PSD2: variants seen among roughly 807,000 people sequenced by gnomAD.
PSD2 encodes the protein PH and SEC7 domain-containing protein 2.
A neutral mutation model predicts 69.8 loss-of-function variants in PSD2; 38 were observed. The ratio of observed to expected loss-of-function variants is 0.54; its 90% CI spans 0.42 to 0.71. PSD2 has a LOEUF of 0.71. PSD2 is among the 30% of genes least tolerant of loss of function. The probability of loss-of-function intolerance (pLI) is 0.00; values close to 1 mark genes in which losing one functional copy is unlikely to be tolerated. For missense variants in PSD2, 943 were observed against 1,014.5 expected (o/e 0.93, Z 0.96); for synonymous variants, 412 against 423.0 (o/e 0.97, Z 0.32).
chr5:139,775,582 AC>A, the PSD2 span: 1 of 152,216 alleles, frequency 6.6e-6, no homozygotes, highest in Non-Finnish European at 1.5e-5. Context: ...GGCCCGCCTG[AC>A]CCCCCAGCCT....
chr5:139,771,377 C>G, the PSD2 span, among the ~76,000 whole-genome samples: 1 of 152,006 alleles, frequency 6.6e-6, no homozygotes, highest in Non-Finnish European at 1.5e-5. Flanking sequence ...GCTTTCTTTT[C>G]TTTTCTTTTC....
intron 4 of PSD2, among the ~76,000 whole-genome samples, chr5:139,815,923 G>A (rs1158780508): frequency 1.3e-5 from 2 of 151,258 alleles, no homozygotes; most frequent in African/African-American, 4.9e-5. Context: ...GATCCTGGGA[G>A]GCGGAGGTTG....
chr5:139,840,032 G>A lies in PSD2; in HGVS notation c.1974G>A (p.Glu658=). 6.2e-7 allele frequency: 1 copy of A among 1,614,210 alleles called. No individual in the cohort carries two copies. ...PSCTTRLCQE[E]QLRSHENKLR... ...TCCAGGATTTGTCTTTGCAGGAGGA[G>A]CAACTGCGGTCTCATGAGAATAAGT... Residue 658 remains glutamate, a synonymous_variant, in exon 14 of 15, where the codon GAG becomes GAA. Coordinates refer to ENST00000274710, the MANE Select transcript of PSD2 (RefSeq NM_032289.4).
chr5:139,773,401 A>G, the PSD2 span, among the ~76,000 whole-genome samples: 2 of 152,118 alleles, frequency 1.3e-5, no homozygotes, highest in Non-Finnish European at 2.9e-5. Flanking sequence ...AGCTGGGACT[A>G]CAGGCACACA....
the PSD2 span, among the ~76,000 whole-genome samples, chr5:139,766,828 C>CTTCTTTCTTTCTTTCTTTCT: frequency 8.0e-5 from 7 of 87,810 alleles, no homozygotes; most frequent in Non-Finnish European, 1.0e-4. Flanking sequence ...AAGTCCCTTC[C>CTTCTTTCTTTCTTTCTTTCT]TTCTTTCTTT....
At chr5:139,774,110 C>T in the PSD2 span, among the ~76,000 whole-genome samples, 2 of 151,812 alleles carry the variant, frequency 1.3e-5, no homozygotes, top group Admixed American at 6.6e-5. Context: ...GAGGCGTGAG[C>T]CGCAGCACTC....
At chr5:139,833,301 C>A (rs1375346137) in intron 7 of PSD2, among the ~76,000 whole-genome samples, 1 of 152,084 alleles carries the variant, frequency 6.6e-6, no homozygotes, top group East Asian at 1.9e-4. Context: ...CTTCACCTTC[C>A]TGTATCTCAG....
intron 7 of PSD2, among the ~76,000 whole-genome samples, chr5:139,829,911 C>G (rs1760529515): frequency 6.6e-6 from 1 of 151,842 alleles, no homozygotes; most frequent in South Asian, 2.1e-4. Flanking sequence ...AAGTGCCCAA[C>G]TGTTTTCCAT....
chr5:139,801,181 G>C (rs1340607003), intron 1 of PSD2, among the ~76,000 whole-genome samples: 2 of 149,770 alleles, frequency 1.3e-5, no homozygotes, highest in African/African-American at 5.0e-5. Context: ...CTCCAGCCTG[G>C]ATGACAGAGA....
the PSD2 span, among the ~76,000 whole-genome samples, chr5:139,788,577 G>C: frequency 6.6e-6 from 1 of 152,228 alleles, no homozygotes; most frequent in East Asian, 1.9e-4. Flanking sequence ...TGGACGGCCA[G>C]CTGGACCTCC....
the PSD2 span, among the ~76,000 whole-genome samples, chr5:139,766,119 C>T: frequency 6.6e-6 from 1 of 152,016 alleles, no homozygotes; most frequent in East Asian, 1.9e-4. Context: ...GGAGAGGGAC[C>T]GCGGAGCAGA....
the PSD2 span, among the ~76,000 whole-genome samples, chr5:139,772,249 GT>G: frequency 9.2e-5 from 14 of 152,188 alleles, no homozygotes; most frequent in African/African-American, 2.2e-4. Context: ...TTTGACTCTA[GT>G]CCCAGACCCA....
chr5:139,750,282 G>A, the PSD2 span, among the ~76,000 whole-genome samples: 1 of 152,108 alleles, frequency 6.6e-6, no homozygotes, highest in African/African-American at 2.4e-5. Context: ...CTGAGATCAT[G>A]CCACTGCACT....
the PSD2 span, among the ~76,000 whole-genome samples, chr5:139,766,940 T>TCTTC: frequency 2.0e-5 from 2 of 99,538 alleles, no homozygotes; most frequent in Non-Finnish European, 4.1e-5. Context: ...CTTCTTTCTT[T>TCTTC]CTTTCTTTCT....
intron 4 of PSD2, among the ~76,000 whole-genome samples, chr5:139,815,146 G>A (rs907595601): frequency 6.6e-6 from 1 of 152,150 alleles, no homozygotes; most frequent in Admixed American, 6.5e-5. Flanking sequence ...CCCTGAGGGC[G>A]GCTCAGGTCC....
At chr5:139,810,322 T>A (rs1759926893) in intron 2 of PSD2, among the ~76,000 whole-genome samples, 1 of 152,184 alleles carries the variant, frequency 6.6e-6, no homozygotes, top group Admixed American at 6.5e-5. Context: ...ATTTCTGTTG[T>A]CCTCAGCAGG....
rs1177463750 is a variant in PSD2 at position 139,842,917 on chromosome 5, C to G, written c.*443C>G. The G allele has an allele frequency of 6.2e-6, 1 of 162,106 alleles. No homozygotes were observed. The highest frequency in any genetic ancestry group is 1.4e-5 in the Non-Finnish European group (1 of 73,596). 10.0% of individuals were successfully genotyped at this position (162,106 alleles called of 1,614,324 possible). ...CTCCTTCCTCTGAGTTGACCAGCAG[C>G]AGGTCTGCCGACCACCAGCACCATC... On this transcript the variant is annotated 3_prime_UTR_variant, in exon 15 of 15. Coordinates refer to ENST00000274710, the MANE Select transcript of PSD2 (RefSeq NM_032289.4).
chr5:139,834,466 CTT>C (rs111907193), intron 8 of PSD2, among the ~76,000 whole-genome samples: 23 of 140,062 alleles, frequency 1.6e-4, no homozygotes, highest in South Asian at 2.3e-4. Flanking sequence ...TATTTTTATG[CTT>C]TTTTTTTTTT....
At chr5:139,748,896 CT>C in the PSD2 span, among the ~76,000 whole-genome samples, 1 of 134,932 alleles carries the variant, frequency 7.4e-6, no homozygotes, top group Admixed American at 7.1e-5. Context: ...TCTAGGAGCC[CT>C]GGGGTATGTT....
Sources: gnomAD v4.1 joint callset for allele counts (sites outside exome capture counted in the v4.1 genomes callset) on GRCh38, gnomAD v4.1.1 for gene constraint, MANE v1.5 for transcripts, NCBI Gene and HGNC (gene_info 2026-07-23, HGNC 2026-07-21) for gene names.